Variants in FNDC3B observed in about 807,000 individuals in gnomAD.
FNDC3B encodes the protein fibronectin type III domain-containing protein 3B.
In FNDC3B, 12 loss-of-function variants were observed where a neutral mutation model predicts 151.5. The observed-to-expected ratio is 0.08, with a 90% confidence interval of 0.05 to 0.13. The LOEUF is 0.13. FNDC3B is among the 10% of genes least tolerant of loss of function. The pLI is 1.00. For missense variants in FNDC3B, 1,214 were observed against 1,505.3 expected (o/e 0.81, Z 3.20); for synonymous variants, 528 against 549.0 (o/e 0.96, Z 0.54).
At chr3:172,235,786 G>T (rs961483354) in intron 4 of FNDC3B, among the ~76,000 whole-genome samples, 1 of 152,210 alleles carries the variant, frequency 6.6e-6, no homozygotes, top group Non-Finnish European at 1.5e-5. Flanking sequence ...TAAATGTAAG[G>T]AATTATTTTA....
chr3:172,292,389 G>A (rs148505574), intron 7 of FNDC3B, among the ~76,000 whole-genome samples: 4 of 152,306 alleles, frequency 2.6e-5, no homozygotes, highest in African/African-American at 9.6e-5. Context: ...GCTTGCTTAG[G>A]GACTCTAGGG....
In FNDC3B at chr3:172,298,731, A is replaced by G; in HGVS notation, c.1005A>G (p.Gly335=). The G allele has an allele frequency of 1.2e-6, 2 of 1,603,466 alleles. No individual in the cohort carries two copies. The highest frequency in any genetic ancestry group is 1.7e-6 in the Non-Finnish European group (2 of 1,175,510). The change falls in exon 9 of 26, where the codon GGA becomes GGG. Residue 335 remains glycine (G), a synonymous_variant. Transcript: ENST00000415807. The stretch of plus-strand genomic sequence containing the variant: ...AATGAATGCTTTTTCTTTACAGTGG[A>G]GAAGAATTAGAATGTAACCTGAAAG... ...RDGKYKIIYS[G]EELECNLKDL...
chr3:172,235,161 T>A (rs1016670227), intron 4 of FNDC3B, among the ~76,000 whole-genome samples: 2 of 152,154 alleles, frequency 1.3e-5, no homozygotes, highest in African/African-American at 4.8e-5. Flanking sequence ...ATCAATAACA[T>A]CTAGCATCAG....
chr3:172,140,718 A>T (rs1391368094), intron 3 of FNDC3B, among the ~76,000 whole-genome samples: 1 of 152,236 alleles, frequency 6.6e-6, no homozygotes, highest in Admixed American at 6.5e-5. Context: ...GTGTAATGTC[A>T]TGAGGCTGGG....
At chr3:172,054,557 C>T (rs928773491) in intron 1 of FNDC3B, among the ~76,000 whole-genome samples, 5 of 152,208 alleles carry the variant, frequency 3.3e-5, no homozygotes, top group African/African-American at 4.8e-5. Flanking sequence ...GCCTAAAAAC[C>T]GTTTCTGGCT....
At chr3:172,126,570 C>T (rs915801724) in intron 2 of FNDC3B, among the ~76,000 whole-genome samples, 4 of 152,210 alleles carry the variant, frequency 2.6e-5, no homozygotes, top group African/African-American at 9.7e-5. Context: ...AGTCTTAAAT[C>T]TGGACAGCTT....
chr3:172,240,188 C>T (rs533949882), intron 4 of FNDC3B, among the ~76,000 whole-genome samples: 2 of 152,246 alleles, frequency 1.3e-5, no homozygotes, highest in Non-Finnish European at 2.9e-5. Flanking sequence ...AGTTCTTATA[C>T]ACAAAATTGA....
intron 3 of FNDC3B, among the ~76,000 whole-genome samples, chr3:172,167,878 A>G (rs1266173830): frequency 6.6e-6 from 1 of 152,126 alleles, no homozygotes; most frequent in Non-Finnish European, 1.5e-5. Flanking sequence ...TTTCATCCCA[A>G]AGCCCTGCCA....
rs529330798 is a variant in FNDC3B, at chr3:172,066,527, G to C, written c.-29+26756G>C. ...CCTTTCAGGACAGAGGTGGCTACAG[G>C]CTTCAGGAAATAAAGCTCATTTTCC... is the stretch of plus-strand genomic sequence containing the variant. On this transcript the variant is annotated intron_variant, in intron 1 of 25. Transcript: ENST00000415807. 5.6e-4 allele frequency among the ~76,000 whole-genome samples: 86 copies of C among 152,280 alleles called. 1 individual carries two copies. Among genetic ancestry groups the C allele is most frequent in the African/African-American group, 1.9e-3 (81 of 41,570 alleles).
At chr3:172,232,641 C>A (rs4074136) in intron 4 of FNDC3B, among the ~76,000 whole-genome samples, 2,842 of 152,150 alleles carry the variant, frequency 0.019, 46 homozygotes, top group Non-Finnish European at 0.029. Context: ...AAAATATAGA[C>A]CTTTTTTTAA....
chr3:172,184,203 C>T (rs1724059189), intron 3 of FNDC3B: 1 of 152,234 alleles, frequency 6.6e-6, no homozygotes, highest in African/African-American at 2.4e-5. Context: ...TCTCTGCGCT[C>T]TGCTGCTTCT....
chr3:172,275,414 T>A (rs1321635704), intron 6 of FNDC3B, among the ~76,000 whole-genome samples: 4 of 152,174 alleles, frequency 2.6e-5, no homozygotes. Flanking sequence ...CTTAAGAGAA[T>A]CCTTTATTTT....
chr3:172,353,736 A>C (rs1296002654), intron 22 of FNDC3B, among the ~76,000 whole-genome samples: 1 of 152,224 alleles, frequency 6.6e-6, no homozygotes, highest in African/African-American at 2.4e-5. Flanking sequence ...GTGAGCTTAG[A>C]TTTGGATAGT....
intron 9 of FNDC3B, among the ~76,000 whole-genome samples, chr3:172,304,064 C>T (rs1330240503): frequency 6.6e-6 from 1 of 152,188 alleles, no homozygotes; most frequent in African/African-American, 2.4e-5. Context: ...TCAACAACCT[C>T]AAATTTCTAA....
chr3:172,257,810 C>T (rs1290551598), intron 6 of FNDC3B, among the ~76,000 whole-genome samples: 1 of 152,164 alleles, frequency 6.6e-6, no homozygotes, highest in African/African-American at 2.4e-5. Flanking sequence ...CTACTGAATA[C>T]AGGCTGTGTA....
intron 3 of FNDC3B, among the ~76,000 whole-genome samples, chr3:172,193,651 G>A (rs1216888231): frequency 1.3e-5 from 2 of 151,438 alleles, no homozygotes; most frequent in African/African-American, 4.9e-5. Flanking sequence ...GGGAAGCCTG[G>A]GTCTGTCTGG....
intron 3 of FNDC3B, among the ~76,000 whole-genome samples, chr3:172,221,603 G>A (rs561993717): frequency 6.6e-6 from 1 of 152,188 alleles, no homozygotes; most frequent in East Asian, 1.9e-4. Flanking sequence ...AGCAGAGTTC[G>A]AATTTCTTTA....
chr3:172,291,254 T>C (rs2108834775), intron 7 of FNDC3B, among the ~76,000 whole-genome samples: 1 of 152,358 alleles, frequency 6.6e-6, no homozygotes, highest in Non-Finnish European at 1.5e-5. Flanking sequence ...AGTTGGAATC[T>C]ACATTTAATA....
At chr3:172,282,688 T>G (rs146208033) in intron 6 of FNDC3B, among the ~76,000 whole-genome samples, 14 of 152,306 alleles carry the variant, frequency 9.2e-5, no homozygotes, top group Non-Finnish European at 1.8e-4. Context: ...GCCTTCTCTT[T>G]CTCCCATCCA....
Sources: gnomAD v4.1 joint callset for allele counts (sites outside exome capture counted in the v4.1 genomes callset) on GRCh38, gnomAD v4.1.1 for gene constraint, MANE v1.5 for transcripts, NCBI Gene and HGNC (gene_info 2026-07-23, HGNC 2026-07-21) for gene names.